Variants in DAB1 observed in about 807,000 individuals in gnomAD.
DAB1 encodes the protein DAB adaptor protein 1, also known as disabled homolog 1.
DAB1 carries 15 observed loss-of-function variants against 64.6 expected under a neutral mutation model. The observed-to-expected ratio is 0.23, with a 90% confidence interval of 0.16 to 0.36. The LOEUF (loss-of-function observed/expected upper bound fraction) is 0.36. Among genes scored for constraint, DAB1 ranks in the 10% least tolerant of loss-of-function variants. The pLI, the probability that DAB1 is intolerant of heterozygous loss-of-function variation, is 1.00. For synonymous variants in DAB1, 235 were observed against 251.9 expected, an observed-to-expected ratio of 0.93 and a Z score of 0.64; for missense variants, 596 against 706.7, an observed-to-expected ratio of 0.84 and a Z score of 1.78.
chr1:57,108,739 C>T (rs1259402083), intron 4 of DAB1, among the ~76,000 whole-genome samples: 1 of 152,154 alleles, frequency 6.6e-6, no homozygotes. Flanking sequence ...CAGCTGCTAG[C>T]TGGGTGAAGT....
chr1:57,103,534 CAGTAGTTATGTGT>C (rs1288596383), intron 4 of DAB1, among the ~76,000 whole-genome samples: 1 of 152,084 alleles, frequency 6.6e-6, no homozygotes, highest in Non-Finnish European at 1.5e-5. Flanking sequence ...CCCGGGAGTA[CAGTAGTTATGTGT>C]ACTAGGAGTG....
intron 1 of DAB1, among the ~76,000 whole-genome samples, chr1:57,327,766 G>T (rs1010464817): frequency 7.2e-5 from 11 of 152,218 alleles, no homozygotes; most frequent in Non-Finnish European, 1.5e-4. Context: ...CTCAACGGTG[G>T]CCTCTTGAGA....
At chr1:57,706,059 A>T (rs1646963282) in intron 6 of DAB1, among the ~76,000 whole-genome samples, 2 of 151,744 alleles carry the variant, frequency 1.3e-5, no homozygotes, top group South Asian at 4.2e-4. Flanking sequence ...TTTTATTTTG[A>T]AATAGTTACA....
chr1:58,291,999 A>G (rs1308808302), intron 4 of DAB1, among the ~76,000 whole-genome samples: 1 of 152,234 alleles, frequency 6.6e-6, no homozygotes, highest in African/African-American at 2.4e-5. Flanking sequence ...GGTGAGCATC[A>G]TTCAATCCAT....
chr1:57,439,417 G>GGTTTTTTTTTTTT (rs1328337487), intron 7 of DAB1, among the ~76,000 whole-genome samples: 1 of 111,064 alleles, frequency 9.0e-6, no homozygotes, highest in East Asian at 3.2e-4. Flanking sequence ...TTGGTGATGA[G>GGTTTTTTTTTTTT]GTTTTTTCTT....
At chr1:57,678,974 T>G (rs536603108) in intron 6 of DAB1, among the ~76,000 whole-genome samples, 2 of 151,930 alleles carry the variant, frequency 1.3e-5, no homozygotes, top group South Asian at 4.2e-4. Flanking sequence ...GGTTTCACTG[T>G]GTTAGCCAGG....
rs137979692 is a variant in DAB1 at position 57,833,870 on chromosome 1, T to C, written n.88-7415A>G. Reference sequence around the variant, plus strand: ...GTTTTAGCTATGGTTTAACACAGTTTAGGACCATGGCCATAAAGCCCTCAG... The same window carrying C: ...GTTTTAGCTATGGTTTAACACAGTTCAGGACCATGGCCATAAAGCCCTCAG... On this transcript the variant is annotated intron_variant and non_coding_transcript_variant, in intron 1 of 1. Coordinates refer to the DAB1 transcript ENST00000477280. Among the ~76,000 whole-genome samples the C allele has an allele frequency of 9.2e-3, 1,394 of 152,320 alleles. 21 individuals are homozygous for C. Among genetic ancestry groups the C allele is most frequent in the African/African-American group, 0.033 (1,352 of 41,568 alleles).
At chr1:58,153,287 AC>A (rs1655044788) in intron 4 of DAB1, among the ~76,000 whole-genome samples, 1 of 152,224 alleles carries the variant, frequency 6.6e-6, no homozygotes, top group African/African-American at 2.4e-5. Flanking sequence ...TTTACAAAGT[AC>A]TTCCACATCT....
At chr1:58,413,004 C>T (rs187502088) in intron 3 of DAB1, among the ~76,000 whole-genome samples, 72 of 152,248 alleles carry the variant, frequency 4.7e-4, no homozygotes, top group Non-Finnish European at 8.5e-4. Flanking sequence ...TAAGGAGTCC[C>T]GAATTTCTGG....
At chr1:57,553,386 G>GAGAAAGAAAGAAAGAAAGAAAGAAAGAA (rs1553193728) in intron 7 of DAB1, among the ~76,000 whole-genome samples, 187 of 14,594 alleles carry the variant, frequency 0.013, 59 homozygotes, top group Middle Eastern at 0.14. Flanking sequence ...GGAAGAAAGA[G>GAGAAAGAAAGAAAGAAAGAAAGAAAGAA]AAAGAAAGAA....
chr1:58,333,832 C>G (rs1663032611), intron 4 of DAB1, among the ~76,000 whole-genome samples: 1 of 152,212 alleles, frequency 6.6e-6, no homozygotes, highest in Admixed American at 6.5e-5. Flanking sequence ...TCACTGCTGG[C>G]AGAAATAATA....
intron 7 of DAB1, among the ~76,000 whole-genome samples, chr1:57,446,845 CA>C (rs1686160503): frequency 6.6e-6 from 1 of 152,148 alleles, no homozygotes; most frequent in Non-Finnish European, 1.5e-5. Flanking sequence ...AAAAAATGCA[CA>C]TTGATTCTTA....
At chr1:57,072,188 A>G in intron 5 of DAB1, 95 bp downstream of exon 5, 1 of 1,351,462 alleles carries the variant, frequency 7.4e-7, no homozygotes. Context: ...TTGCTTGGTC[A>G]TATCTGAGAG....
At chr1:58,048,649 GT>G (rs565298270) in intron 5 of DAB1, 78 of 1,259,352 alleles carry the variant, frequency 6.2e-5, no homozygotes, top group Non-Finnish European at 8.4e-5. Flanking sequence ...CACAACCAAA[GT>G]TGTCATTCCC....
chr1:57,246,022 G>A (rs1668845421), intron 2 of DAB1, among the ~76,000 whole-genome samples: 1 of 152,200 alleles, frequency 6.6e-6, no homozygotes, highest in African/African-American at 2.4e-5. Context: ...GGGAAGAAGA[G>A]CATAAAAATT....
At chr1:58,503,806 C>T (rs1330235631) in intron 3 of DAB1, among the ~76,000 whole-genome samples, 1 of 152,156 alleles carries the variant, frequency 6.6e-6, no homozygotes, top group East Asian at 1.9e-4. Flanking sequence ...TGTTTATAAG[C>T]CACCCAGTCT....
At chr1:57,294,634 G>A (rs1171388518) in intron 1 of DAB1, among the ~76,000 whole-genome samples, 1 of 151,974 alleles carries the variant, frequency 6.6e-6, no homozygotes, top group African/African-American at 2.4e-5. Context: ...CAAGTATTAT[G>A]CTATGAGCTT....
At chr1:58,437,872 A>G (rs552392376) in intron 3 of DAB1, among the ~76,000 whole-genome samples, 1 of 152,292 alleles carries the variant, frequency 6.6e-6, no homozygotes, top group South Asian at 2.1e-4. Context: ...AGCCATTCAC[A>G]GTAGCCCATC....
chr1:57,432,217 T>TATGTTTGTAG (rs1233826019), intron 7 of DAB1, among the ~76,000 whole-genome samples: 3 of 152,242 alleles, frequency 2.0e-5, no homozygotes, highest in Admixed American at 2.0e-4. Flanking sequence ...TTTTGTAGCC[T>TATGTTTGTAG]CTATGTTAAA....
Sources: gnomAD v4.1 joint callset for allele counts (sites outside exome capture counted in the v4.1 genomes callset) on GRCh38, gnomAD v4.1.1 for gene constraint, MANE v1.5 for transcripts, NCBI Gene and HGNC (gene_info 2026-07-23, HGNC 2026-07-21) for gene names.